Variants in FANCD2 observed in about 807,000 individuals in gnomAD.
The protein encoded by FANCD2 is FA complementation group D2.
A neutral mutation model predicts 192.3 loss-of-function variants in FANCD2; 131 were observed. The ratio of observed to expected loss-of-function variants is 0.68; its 90% CI spans 0.59 to 0.79. The LOEUF is 0.79. Among genes scored for constraint, FANCD2 ranks in the 30% least tolerant of loss-of-function variants. The pLI, the probability that FANCD2 is intolerant of heterozygous loss-of-function variation, is 0.00. For synonymous variants in FANCD2, 524 were observed against 612.5 expected (o/e 0.86, Z 2.13); for missense variants, 1,508 against 1,701.6 (o/e 0.89, Z 2.00).
intron 28 of FANCD2, among the ~76,000 whole-genome samples, chr3:10,073,857 G>A (rs142821565): frequency 1.4e-4 from 21 of 152,354 alleles, no homozygotes; most frequent in African/African-American, 4.8e-4. Context: ...GGGAGGGCAA[G>A]TGACTTGCCC....
intron 7 of FANCD2, 129 bp from the exon 8 acceptor site, chr3:10,039,150 G>A (rs773243852): frequency 4.1e-5 from 26 of 628,248 alleles, no homozygotes; most frequent in Non-Finnish European, 6.8e-5. Context: ...GTCTAGTGCA[G>A]TGCCGAATGC....
chr3:10,081,916 G>A (rs1693862243), intron 32 of FANCD2, among the ~76,000 whole-genome samples: 1 of 152,192 alleles, frequency 6.6e-6, no homozygotes, highest in Non-Finnish European at 1.5e-5. Flanking sequence ...TAGAACTAAG[G>A]GAGGTGTGCC....
In FANCD2 at chr3:10,094,641, C is replaced by T. The variant is rs35528998; in HGVS notation, c.3963+278C>T. ...TTGTGCTACTGCACTCTCAGGTCCT[C>T]ATGTATCAGTGTGTCATTTGCTTAT... is the stretch of plus-strand genomic sequence containing the variant. On this transcript the variant is annotated intron_variant, in intron 40 of 43. Transcript: ENST00000675286. Among the ~76,000 whole-genome samples, 493 of 152,050 alleles carry T rather than the reference C, an allele frequency of 3.2e-3. 10 individuals carry two copies. The South Asian group carries it at 0.04, about 12-fold the overall frequency.
At chr3:10,032,314 T>A (rs2086622668) in intron 2 of FANCD2, 2 of 420,586 alleles carry the variant, frequency 4.8e-6, no homozygotes, top group African/African-American at 2.1e-5. Flanking sequence ...GGGATTTCAC[T>A]CTGTCACCCA....
chr3:10,051,580 T>G (rs1470697555), intron 17 of FANCD2, among the ~76,000 whole-genome samples: 3 of 151,702 alleles, frequency 2.0e-5, no homozygotes, highest in Non-Finnish European at 2.9e-5. Flanking sequence ...ACTTGGGGAA[T>G]AGAGTCAATG....
At chr3:10,036,550 A>T (rs1398077700) in intron 7 of FANCD2, among the ~76,000 whole-genome samples, 3 of 152,144 alleles carry the variant, frequency 2.0e-5, no homozygotes, top group African/African-American at 7.2e-5. Context: ...AAAAGTAACT[A>T]TTGGCCTGGT....
chr3:10,070,259 C>A (rs1170563985), intron 26 of FANCD2, among the ~76,000 whole-genome samples: 1 of 146,184 alleles, frequency 6.8e-6, no homozygotes, highest in Non-Finnish European at 1.5e-5. Context: ...GGAGTCCCTC[C>A]GCCCGGCAGC....
intron 23 of FANCD2, 87 bp downstream of exon 23, chr3:10,064,962 A>C: frequency 6.9e-7 from 1 of 1,440,008 alleles, no homozygotes. Context: ...AGTTGAGTCA[A>C]AAAAGTTTCT....
intron 2 of FANCD2, among the ~76,000 whole-genome samples, chr3:10,029,510 A>G (rs181290969): frequency 6.6e-6 from 1 of 152,126 alleles, no homozygotes; most frequent in African/African-American, 2.4e-5. Flanking sequence ...TGTCTCAAAA[A>G]GGGAGTGGGG....
At chr3:10,077,223 A>G (rs1005706809) in intron 29 of FANCD2, among the ~76,000 whole-genome samples, 92 of 152,102 alleles carry the variant, frequency 6.0e-4, no homozygotes, top group African/African-American at 2.1e-3. Flanking sequence ...ACAGAGCGAG[A>G]CCCTGTCTCA....
chr3:10,099,257 T>C, intron 43 of FANCD2: 1 of 1,295,154 alleles, frequency 7.7e-7, no homozygotes. Flanking sequence ...CTTAGAGAAC[T>C]GAAATAAAAA....
intron 14 of FANCD2, chr3:10,045,487 A>T (rs1293127712): frequency 2.0e-5 from 3 of 151,430 alleles, no homozygotes; most frequent in African/African-American, 7.3e-5. Flanking sequence ...CTTCCTGATG[A>T]CTGTGTAATA....
rs1379595202 is a variant in FANCD2 at position 10,064,844 on chromosome 3, G to A, written c.2137G>A (p.Gly713Ser). The A allele has an allele frequency of 1.2e-6, 2 of 1,613,686 alleles. No individual in the cohort carries two copies. Among genetic ancestry groups the A allele is most frequent in the Non-Finnish European group, 1.7e-6 (2 of 1,179,676 alleles). ...LFSQDFAKDG[G>S]PVTSQESGQK... Reference sequence around the variant, plus strand: ...TTCTCAGGACTTTGCAAAAGATGGGGGTCCGGTGACCTCACAGGAATCAGG... The same window carrying A: ...TTCTCAGGACTTTGCAAAAGATGGGAGTCCGGTGACCTCACAGGAATCAGG... The change falls in exon 23 of 44, where the codon GGT becomes AGT. Residue 713 changes from glycine (G) to serine (S), a missense_variant. Gly to Ser is a moderately conservative substitution (Grantham distance 56, BLOSUM62 0). Around this residue, in one of 5 missense-constraint regions of FANCD2, gnomAD observed 796 missense variants for 879.4 expected, o/e 0.91. Coordinates refer to ENST00000675286, the MANE Select transcript of FANCD2 (RefSeq NM_001018115.3).
intron 42 of FANCD2, among the ~76,000 whole-genome samples, chr3:10,097,758 GT>G (rs1256999667): frequency 6.6e-6 from 1 of 152,192 alleles, no homozygotes; most frequent in Non-Finnish European, 1.5e-5. Context: ...AATCACAAGG[GT>G]ATTGACTGGG....
chr3:10,042,204 T>C (rs558158620), intron 10 of FANCD2, among the ~76,000 whole-genome samples: 36 of 152,274 alleles, frequency 2.4e-4, no homozygotes, highest in Admixed American at 9.2e-4. Flanking sequence ...CCCACAGGTC[T>C]GTTTTTAAGC....
chr3:10,083,998 T>TTG (rs932276411), intron 32 of FANCD2, among the ~76,000 whole-genome samples: 3 of 151,610 alleles, frequency 2.0e-5, no homozygotes, highest in African/African-American at 7.2e-5. Flanking sequence ...TCCCATGCTT[T>TTG]TGTGTGTGTG....
chr3:10,072,333 TG>T (rs2125047199), intron 26 of FANCD2, among the ~76,000 whole-genome samples: 1 of 149,582 alleles, frequency 6.7e-6, no homozygotes, highest in Non-Finnish European at 1.5e-5. Flanking sequence ...GGCTGGAGTG[TG>T]GTGGTGCGAT....
At chr3:10,097,339 TATAGGAG>T (rs1432983794) in intron 42 of FANCD2, among the ~76,000 whole-genome samples, 4 of 152,178 alleles carry the variant, frequency 2.6e-5, no homozygotes, top group Non-Finnish European at 5.9e-5. Flanking sequence ...CTGGGAGCGC[TATAGGAG>T]ACTGGAGTTT....
chr3:10,080,508 C>T (rs1183446303), intron 30 of FANCD2, among the ~76,000 whole-genome samples: 10 of 152,228 alleles, frequency 6.6e-5, no homozygotes, highest in Non-Finnish European at 1.0e-4. Flanking sequence ...CAGTGGCTCA[C>T]GCCTTTAACC....
Sources: allele counts gnomAD v4.1 joint callset (sites outside exome capture counted in the v4.1 genomes callset), GRCh38; gene constraint gnomAD v4.1.1; regional missense constraint gnomAD v4.1.1; transcripts MANE v1.5; gene names NCBI Gene and HGNC (gene_info 2026-07-23, HGNC 2026-07-21).